DIAPH2: variants seen among roughly 807,000 people sequenced by gnomAD.
The protein encoded by DIAPH2 is protein diaphanous homolog 2.
DIAPH2 carries 35 observed loss-of-function variants against 92.7 expected under a neutral mutation model. The observed-to-expected ratio is 0.38, with a 90% CI of 0.29 to 0.50. The LOEUF is 0.50. Ranked by LOEUF, DIAPH2 falls within the 20% of genes least tolerant of loss-of-function variation. DIAPH2 has a pLI of 0.94. For missense variants in DIAPH2, 701 were observed against 819.5 expected (o/e 0.86, Z 1.77); for synonymous variants, 301 against 280.4 (o/e 1.07, Z -0.73).
In DIAPH2 at chrX:96,941,451, T is replaced by C. The variant is rs187878640; in HGVS notation, c.1326-567T>C. On this transcript the variant is annotated intron_variant, in intron 12 of 26. Transcript: ENST00000324765. ...AAGCAATAGCCATGCATATTAAGTG[T>C]GTATGCTTTTATAAAATGGGTCTTT... Among the ~76,000 whole-genome samples the C allele has an allele frequency of 3.4e-3, 380 of 111,912 alleles. 2 individuals carry two copies. The highest frequency in any genetic ancestry group is 0.012 in the African/African-American group (367 of 30,899).
rs775057363 is a variant in DIAPH2, at chrX:97,348,117, G to C, written c.2846G>C (p.Ser949Thr). 52 of 1,208,781 alleles carry C rather than the reference G, an allele frequency of 4.3e-5. No individual in the cohort carries two copies. Among genetic ancestry groups the C allele is most frequent in the Non-Finnish European group, 5.6e-5 (50 of 894,708 alleles). The change falls in exon 24 of 27, where the codon AGC becomes ACC. Residue 949 changes from serine (S) to threonine (T), a missense_variant and splice_region_variant. Ser to Thr is a moderately conservative substitution (Grantham distance 58). Coordinates refer to ENST00000324765, the MANE Select transcript of DIAPH2 (RefSeq NM_006729.5). ...QHDKFVEKMT[S>T]FTKTAREQYE... ...CCATGTTCCTTAACAAAAAGCTACA[G>C]CTTTACAAAGACTGCCCGAGAACAG...
chrX:97,433,375 G>A (rs942903393), intron 26 of DIAPH2, among the ~76,000 whole-genome samples: 4 of 110,478 alleles, frequency 3.6e-5, no homozygotes, highest in Non-Finnish European at 7.6e-5. Flanking sequence ...AATTAGCCAA[G>A]CATGGTGGCA....
At chrX:97,565,922 T>C (rs2071323852) in intron 26 of DIAPH2, among the ~76,000 whole-genome samples, 1 of 112,383 alleles carries the variant, frequency 8.9e-6, no homozygotes, top group Admixed American at 9.4e-5. Flanking sequence ...TGTATATTGG[T>C]GATCTTCGTT....
chrX:97,316,197 T>C (rs1447106725), intron 23 of DIAPH2, among the ~76,000 whole-genome samples: 1 of 111,254 alleles, frequency 9.0e-6, no homozygotes, highest in East Asian at 2.8e-4. Flanking sequence ...TTTACCCTAG[T>C]GTGCCATGTA....
At chrX:97,491,816 T>C (rs1262649314) in intron 26 of DIAPH2, among the ~76,000 whole-genome samples, 1 of 112,328 alleles carries the variant, frequency 8.9e-6, no homozygotes, top group Non-Finnish European at 1.9e-5. Flanking sequence ...TCTTTTGTGA[T>C]TTGTTGATTT....
intron 23 of DIAPH2, among the ~76,000 whole-genome samples, chrX:97,294,126 C>T (rs763894404): frequency 9.0e-6 from 1 of 111,528 alleles, no homozygotes; most frequent in Non-Finnish European, 1.9e-5. Context: ...TGGGTAGGTT[C>T]GTAGTTTATC....
At chrX:96,814,585 A>G (rs993269873) in intron 4 of DIAPH2, among the ~76,000 whole-genome samples, 1 of 112,074 alleles carries the variant, frequency 8.9e-6, no homozygotes. Flanking sequence ...AGGAGCTGCA[A>G]TTCCTTGCAG....
chrX:97,113,266 T>C (rs509575), intron 20 of DIAPH2, among the ~76,000 whole-genome samples: 12,786 of 111,361 alleles, frequency 0.11, 1,066 homozygotes, highest in African/African-American at 0.29. Context: ...TTTTTACCTA[T>C]CTAAAATCAT....
chrX:97,257,511 T>G (rs750953901), intron 23 of DIAPH2, among the ~76,000 whole-genome samples: 2 of 111,795 alleles, frequency 1.8e-5, no homozygotes, highest in Non-Finnish European at 3.8e-5. Context: ...TCATATCTGC[T>G]AAGACATTAT....
intron 17 of DIAPH2, among the ~76,000 whole-genome samples, chrX:97,036,305 A>G (rs993884015): frequency 1.1e-4 from 12 of 112,315 alleles, no homozygotes; most frequent in Non-Finnish European, 2.1e-4. Flanking sequence ...TCTGACTTCA[A>G]TACATTTTTA....
intron 26 of DIAPH2, among the ~76,000 whole-genome samples, chrX:97,483,083 A>G (rs1269557444): frequency 1.8e-5 from 2 of 111,467 alleles, no homozygotes; most frequent in Non-Finnish European, 3.8e-5. Context: ...CTGATTTTTA[A>G]CAGACTCTGT....
intron 20 of DIAPH2, among the ~76,000 whole-genome samples, chrX:97,109,419 C>G (rs978933709): frequency 5.4e-5 from 6 of 111,526 alleles, no homozygotes; most frequent in Non-Finnish European, 1.1e-4. Context: ...GAGACCCTGT[C>G]TCTAAAAAGT....
intron 4 of DIAPH2, among the ~76,000 whole-genome samples, chrX:96,858,240 A>G (rs1265817825): frequency 1.8e-5 from 2 of 111,788 alleles, no homozygotes; most frequent in African/African-American, 6.5e-5. Flanking sequence ...TTTATGCTAG[A>G]TATTGGACTA....
intron 22 of DIAPH2, among the ~76,000 whole-genome samples, chrX:97,172,858 C>T (rs908938076): frequency 2.7e-5 from 3 of 111,837 alleles, no homozygotes; most frequent in African/African-American, 9.7e-5. Flanking sequence ...TCTAGGTGAA[C>T]TGAATTACCT....
rs920274228 is a variant in DIAPH2, at chrX:97,383,447, A to T, written c.3010-462A>T. Among the ~76,000 whole-genome samples, 28 of 109,973 alleles carry T rather than the reference A, an allele frequency of 2.5e-4. 1 individual carries two copies. In the Admixed American group the frequency reaches 2.8e-3, roughly 11 times the overall value. On this transcript the variant is annotated intron_variant, in intron 24 of 26. Transcript: ENST00000324765. ...TTTTTTCTTAATCTCAATTTTGCAG[A>T]TAACAGAAAAGTACACAATAAAGGG...
chrX:97,056,650 G>C (rs1444053903), intron 17 of DIAPH2, among the ~76,000 whole-genome samples: 1 of 111,624 alleles, frequency 9.0e-6, no homozygotes, highest in African/African-American at 3.3e-5. Context: ...TGTCTGGTAT[G>C]CTTACCTGTA....
chrX:96,884,629 T>C (rs1338388374), intron 5 of DIAPH2: 8 of 1,209,229 alleles, frequency 6.6e-6, no homozygotes, highest in Non-Finnish European at 8.9e-6. Flanking sequence ...GGCCCGACAG[T>C]GGTTTGGTAG....
chrX:96,709,078 A>G (rs757007177), intron 1 of DIAPH2, among the ~76,000 whole-genome samples: 27 of 112,275 alleles, frequency 2.4e-4, no homozygotes, highest in African/African-American at 8.1e-4. Flanking sequence ...AAAAAATTTC[A>G]TATTTCTTCC....
At chrX:97,519,812 T>TC (rs2070977976) in intron 26 of DIAPH2, among the ~76,000 whole-genome samples, 1 of 110,610 alleles carries the variant, frequency 9.0e-6, no homozygotes, top group Admixed American at 9.6e-5. Flanking sequence ...GCTCACCTCC[T>TC]CCCCCCAGGG....
Sources: gnomAD v4.1 joint callset for allele counts (sites outside exome capture counted in the v4.1 genomes callset) on GRCh38, gnomAD v4.1.1 for gene constraint, MANE v1.5 for transcripts, NCBI Gene and HGNC (gene_info 2026-07-23, HGNC 2026-07-21) for gene names.